The following BRINP3 variants were observed in gnomAD, a reference collection of about 807,000 sequenced individuals.
The protein encoded by BRINP3 is BMP/retinoic acid inducible neural specific 3.
In BRINP3, 19 loss-of-function variants were observed where a neutral mutation model predicts 71.0. That is an observed-to-expected ratio of 0.27 (90% CI 0.19 to 0.39). The LOEUF (loss-of-function observed/expected upper bound fraction) is 0.39. BRINP3 is among the 10% of genes least tolerant of loss of function. The pLI is 1.00. For synonymous variants in BRINP3, 380 were observed against 337.7 expected, an observed-to-expected ratio of 1.13 and a Z score of -1.37; for missense variants, 959 against 940.8, an observed-to-expected ratio of 1.02 and a Z score of -0.25.
At chr1:190,467,545 C>T (rs1676842204) in intron 1 of BRINP3, among the ~76,000 whole-genome samples, 1 of 151,348 alleles carries the variant, frequency 6.6e-6, no homozygotes, top group African/African-American at 2.4e-5. Context: ...ACAACTTACC[C>T]AGTTGACAGA....
intron 7 of BRINP3, among the ~76,000 whole-genome samples, chr1:190,110,034 T>C (rs1652531799): frequency 6.6e-6 from 1 of 152,210 alleles, no homozygotes; most frequent in South Asian, 2.1e-4. Flanking sequence ...TCTGTATATA[T>C]CTATTCTATT....
At chr1:190,228,800 T>C (rs1163410624) in intron 5 of BRINP3, among the ~76,000 whole-genome samples, 6 of 146,608 alleles carry the variant, frequency 4.1e-5, no homozygotes, top group Non-Finnish European at 9.0e-5. Context: ...TCTTTTTTTT[T>C]CTGCTATGTA....
intron 2 of BRINP3, among the ~76,000 whole-genome samples, chr1:190,325,986 G>T (rs960087188): frequency 1.3e-5 from 2 of 152,022 alleles, no homozygotes; most frequent in Non-Finnish European, 2.9e-5. Context: ...ACAATAAATT[G>T]CAAGGAAGCT....
intron 2 of BRINP3, among the ~76,000 whole-genome samples, chr1:190,388,684 T>G (rs552675355): frequency 1.3e-5 from 2 of 151,866 alleles, no homozygotes; most frequent in African/African-American, 4.8e-5. Flanking sequence ...GACAATAAAT[T>G]TATGTTGTTT....
intron 2 of BRINP3, among the ~76,000 whole-genome samples, chr1:190,448,457 T>TGGGG (rs1431741017): frequency 4.4e-5 from 5 of 113,224 alleles, no homozygotes; most frequent in African/African-American, 1.3e-4. Context: ...CCCCTACACT[T>TGGGG]GGGGTTTGTG....
intron 2 of BRINP3, among the ~76,000 whole-genome samples, chr1:190,413,273 T>C (rs1672808078): frequency 6.6e-6 from 1 of 152,094 alleles, no homozygotes; most frequent in Non-Finnish European, 1.5e-5. Context: ...AGAACTATCC[T>C]AGGGGACTGA....
At chr1:190,262,095 A>G (rs1661232864) in intron 4 of BRINP3, among the ~76,000 whole-genome samples, 2 of 152,136 alleles carry the variant, frequency 1.3e-5, no homozygotes, top group Non-Finnish European at 2.9e-5. Flanking sequence ...TCTCCATACA[A>G]AATTGCACAG....
intron 6 of BRINP3, among the ~76,000 whole-genome samples, chr1:190,206,122 A>G (rs192854474): frequency 1.2e-3 from 181 of 152,164 alleles, no homozygotes; most frequent in African/African-American, 4.2e-3. Context: ...ACCGTTGCCA[A>G]ATTAAGGTTA....
Position 190,454,089 on chromosome 1 carries a change from T to C in BRINP3, c.236+566A>G, listed in dbSNP as rs74130770. Among the ~76,000 whole-genome samples the C allele has an allele frequency of 3.7e-3, 569 of 152,352 alleles. 4 individuals carry two copies. The highest frequency in any genetic ancestry group is 0.013 in the African/African-American group (528 of 41,594). ...TTATTTAGATTTTAAACATAGAACA[T>C]TGATAGATGTTAAAGATCATATATC... On this transcript the variant is annotated intron_variant, in intron 2 of 7. Coordinates refer to ENST00000367462, the MANE Select transcript of BRINP3 (RefSeq NM_199051.3).
chr1:190,476,456 T>C (rs1320853665), intron 1 of BRINP3, among the ~76,000 whole-genome samples: 1 of 152,146 alleles, frequency 6.6e-6, no homozygotes, highest in Non-Finnish European at 1.5e-5. Context: ...TTCCTCATTA[T>C]GTGTCAATTG....
intron 2 of BRINP3, among the ~76,000 whole-genome samples, chr1:190,368,192 A>T (rs184386109): frequency 1.3e-5 from 2 of 152,288 alleles, no homozygotes; most frequent in East Asian, 3.9e-4. Flanking sequence ...GCCTCAGGAA[A>T]CTTACAATAA....
At chr1:190,238,502 A>C (rs1028595763) in intron 4 of BRINP3, among the ~76,000 whole-genome samples, 1 of 152,112 alleles carries the variant, frequency 6.6e-6, no homozygotes, top group Non-Finnish European at 1.5e-5. Context: ...ACTTGACAAA[A>C]AAGATATATA....
chr1:190,345,506 G>A (rs1326240078), intron 2 of BRINP3, among the ~76,000 whole-genome samples: 4 of 151,210 alleles, frequency 2.6e-5, no homozygotes, highest in African/African-American at 4.8e-5. Flanking sequence ...AGTAATATTA[G>A]TCATATATAT....
intron 2 of BRINP3, chr1:190,362,234 A>AT (rs1461275197): frequency 6.6e-6 from 1 of 152,166 alleles, no homozygotes; most frequent in Non-Finnish European, 1.5e-5. Flanking sequence ...TGTTATGGCA[A>AT]TGTGAGCTAA....
intron 2 of BRINP3, among the ~76,000 whole-genome samples, chr1:190,444,600 A>C (rs145949388): frequency 6.6e-6 from 1 of 151,816 alleles, no homozygotes; most frequent in African/African-American, 2.4e-5. Flanking sequence ...AGTGGCTCGA[A>C]CTCAGCTCGC....
chr1:190,442,185 T>C (rs1674868884), intron 2 of BRINP3, among the ~76,000 whole-genome samples: 1 of 152,314 alleles, frequency 6.6e-6, no homozygotes, highest in Non-Finnish European at 1.5e-5. Context: ...TTTGCTTTCA[T>C]ATAATGGTTA....
intron 6 of BRINP3, among the ~76,000 whole-genome samples, chr1:190,202,404 C>T (rs1655083816): frequency 6.6e-6 from 1 of 152,096 alleles, no homozygotes; most frequent in African/African-American, 2.4e-5. Context: ...AAGGGTCTTG[C>T]CTTGTCTTGA....
intron 2 of BRINP3, among the ~76,000 whole-genome samples, chr1:190,313,022 A>G (rs973416498): frequency 6.6e-6 from 1 of 151,938 alleles, no homozygotes; most frequent in East Asian, 1.9e-4. Context: ...ACACTGCACA[A>G]TAAGTTTTAA....
chr1:190,242,768 A>T (rs894825625), intron 4 of BRINP3, among the ~76,000 whole-genome samples: 5 of 152,134 alleles, frequency 3.3e-5, no homozygotes, highest in Non-Finnish European at 4.4e-5. Context: ...GTATATGCAG[A>T]ATAACTGTGA....
Sources: allele counts gnomAD v4.1 joint callset (sites outside exome capture counted in the v4.1 genomes callset), GRCh38; gene constraint gnomAD v4.1.1; transcripts MANE v1.5; gene names NCBI Gene and HGNC (gene_info 2026-07-23, HGNC 2026-07-21).